The following OGG1 variants were observed in gnomAD, a reference collection of about 807,000 sequenced individuals.
OGG1 encodes the protein N-glycosylase/DNA lyase.
In OGG1, 35 loss-of-function variants were observed where a neutral mutation model predicts 42.3. The ratio of observed to expected loss-of-function variants is 0.83; its 90% CI spans 0.63 to 1.10. The LOEUF is 1.10. OGG1 is among the 50% of genes least tolerant of loss of function. The pLI, the probability that OGG1 is intolerant of heterozygous loss-of-function variation, is 0.00. For synonymous variants in OGG1, 189 were observed against 179.0 expected, an observed-to-expected ratio of 1.06 and a Z score of -0.44; for missense variants, 484 against 446.7, an observed-to-expected ratio of 1.08 and a Z score of -0.75.
downstream of OGG1, chr3:9,760,889 T>C (rs1287547642): frequency 3.5e-6 from 5 of 1,423,894 alleles, no homozygotes; most frequent in Admixed American, 4.2e-5. Flanking sequence ...CTTTATAAAC[T>C]CTACCAGCCC....
chr3:9,785,225 T>C, intron 3 of OGG1: 1 of 993,462 alleles, frequency 1.0e-6, no homozygotes, highest in Non-Finnish European at 1.5e-6. Flanking sequence ...GCCCCCAGCC[T>C]CTTACTGATG....
intron 4 of OGG1, among the ~76,000 whole-genome samples, chr3:9,756,199 C>G (rs2077546364): frequency 6.6e-6 from 1 of 152,196 alleles, no homozygotes; most frequent in African/African-American, 2.4e-5. Flanking sequence ...TGCCTGTAAT[C>G]CCAGCTACTT....
intron 7 of OGG1, chr3:9,763,197 T>G (rs760931282): frequency 1.2e-6 from 2 of 1,613,848 alleles, no homozygotes; most frequent in Admixed American, 3.3e-5. Flanking sequence ...AGGGCTACAA[T>G]GTTGGGGTGC....
At chr3:9,786,074 G>C (rs530826259) in intron 3 of OGG1, among the ~76,000 whole-genome samples, 31 of 152,224 alleles carry the variant, frequency 2.0e-4, no homozygotes, top group African/African-American at 5.8e-4. Flanking sequence ...AAGTAGTTGG[G>C]ACTACAGGCG....
chr3:9,780,217 A>T, intron 2 of OGG1: 1 of 863,790 alleles, frequency 1.2e-6, no homozygotes, highest in South Asian at 1.8e-5. Context: ...AAAAGACCTC[A>T]GGGGAAGGGC....
intron 3 of OGG1, among the ~76,000 whole-genome samples, chr3:9,786,342 G>A (rs1575302129): frequency 6.6e-6 from 1 of 152,284 alleles, no homozygotes; most frequent in African/African-American, 2.4e-5. Flanking sequence ...GATGATATGA[G>A]ATAGAGACCT....
chr3:9,787,223 G>A, intron 3 of OGG1: 1 of 1,614,168 alleles, frequency 6.2e-7, no homozygotes, highest in Non-Finnish European at 8.5e-7. Flanking sequence ...TCGGTCAGTG[G>A]CCCCATGAGG....
intron 2 of OGG1, among the ~76,000 whole-genome samples, chr3:9,772,162 T>C (rs941319464): frequency 4.6e-5 from 7 of 152,234 alleles, no homozygotes; most frequent in African/African-American, 1.7e-4. Context: ...TTCCTGCTTT[T>C]GAGCATTTCT....
At chr3:9,762,840 A>T in intron 7 of OGG1, 2 of 1,502,880 alleles carry the variant, frequency 1.3e-6, no homozygotes, top group Admixed American at 1.8e-5. Context: ...AAGTTGCCCA[A>T]GGTCAGACAG....
chr3:9,775,078 A>G (rs2078348222), intron 2 of OGG1, among the ~76,000 whole-genome samples: 1 of 151,622 alleles, frequency 6.6e-6, no homozygotes, highest in South Asian at 2.1e-4. Flanking sequence ...TGTCTCTACT[A>G]AAAATACAAA....
At chr3:9,783,940 AG>A in intron 3 of OGG1, 1 of 1,459,298 alleles carries the variant, frequency 6.9e-7, no homozygotes, top group African/African-American at 1.4e-5. Context: ...AGGATTGGAA[AG>A]CCTGTTGTAA....
At chr3:9,762,947 C>G (rs2077956975) in intron 7 of OGG1, 1 of 1,614,016 alleles carries the variant, frequency 6.2e-7, no homozygotes, top group Non-Finnish European at 8.5e-7. Flanking sequence ...CCAGGTCATG[C>G]AGGTATTTCA....
intron 2 of OGG1, among the ~76,000 whole-genome samples, chr3:9,774,408 CAAA>C (rs35674476): frequency 1.7e-5 from 2 of 117,132 alleles, no homozygotes; most frequent in African/African-American, 3.7e-5. Context: ...GACTCTGTCT[CAAA>C]AAAAAAAAAA....
At chr3:9,787,274 C>G in intron 3 of OGG1, 1 of 1,614,212 alleles carries the variant, frequency 6.2e-7, no homozygotes, top group Non-Finnish European at 8.5e-7. Context: ...CGGGCCCCAT[C>G]CTTCTGCTCC....
chr3:9,761,387 G>A (rs2077862152), downstream of OGG1: 2 of 1,475,848 alleles, frequency 1.4e-6, no homozygotes, highest in East Asian at 4.6e-5. Context: ...AGGGAGAGCA[G>A]AGGAAGGAAG....
downstream of OGG1, chr3:9,767,935 A>G: frequency 2.5e-6 from 2 of 791,990 alleles, no homozygotes; most frequent in Non-Finnish European, 3.1e-6. Context: ...TGTTTATTCA[A>G]CATTCAGCAA....
intron 2 of OGG1, among the ~76,000 whole-genome samples, chr3:9,779,360 C>T (rs2078408618): frequency 6.6e-6 from 1 of 152,174 alleles, no homozygotes; most frequent in African/African-American, 2.4e-5. Context: ...TGGAAGCCCG[C>T]TGGCTCCGGC....
At chr3:9,756,884 C>T (rs749221846) in intron 6 of OGG1, 68 bp downstream of exon 6, 1 of 1,612,432 alleles carries the variant, frequency 6.2e-7, no homozygotes, top group South Asian at 1.1e-5. Flanking sequence ...ACTCTTCCAC[C>T]ACCGCCCCAG....
chr3:9,759,175 C>T, downstream of OGG1: 1 of 1,603,770 alleles, frequency 6.2e-7, no homozygotes, highest in Middle Eastern at 1.7e-4. Flanking sequence ...CTAATTCCTA[C>T]TTAACTGACA....
Sources: gnomAD v4.1 joint callset for allele counts (sites outside exome capture counted in the v4.1 genomes callset) on GRCh38, gnomAD v4.1.1 for gene constraint, MANE v1.5 for transcripts, NCBI Gene and HGNC (gene_info 2026-07-23, HGNC 2026-07-21) for gene names.